The following POLR3G variants were observed in gnomAD, a reference collection of about 807,000 sequenced individuals.
POLR3G encodes the protein DNA-directed RNA polymerase III subunit RPC7.
Under a neutral mutation model 30.1 loss-of-function variants are expected in POLR3G, and 28 were observed. That is an observed-to-expected ratio of 0.93 (90% CI 0.69 to 1.27). POLR3G has a LOEUF of 1.27. Among genes scored for constraint, POLR3G ranks in the 50% most tolerant of loss-of-function variants. The pLI is 0.00. For synonymous variants in POLR3G, 79 were observed against 82.5 expected (o/e 0.96, Z 0.23); for missense variants, 254 against 264.6 (o/e 0.96, Z 0.28).
At chr5:90,481,998 A>C (rs1490741340) in intron 1 of POLR3G, among the ~76,000 whole-genome samples, 1 of 152,226 alleles carries the variant, frequency 6.6e-6, no homozygotes, top group Non-Finnish European at 1.5e-5. Context: ...TGGAGATTTA[A>C]TATACTGACT....
chr5:90,495,598 C>T, intron 3 of POLR3G, 79 bp from the exon 4 acceptor site: 2 of 1,533,998 alleles, frequency 1.3e-6, no homozygotes, highest in African/African-American at 1.4e-5. Flanking sequence ...CTGTTGTTTT[C>T]AATAATCTTA....
rs184072712 is a variant in POLR3G at position 90,491,108 on chromosome 5, C to T, written c.247+2979C>T. On this transcript the variant is annotated intron_variant, in intron 3 of 7. Coordinates refer to ENST00000651687, the MANE Select transcript of POLR3G (RefSeq NM_006467.3). ...GGCTGGTGGCTCAGGGCATTGAGAT[C>T]AGTCCTCAAGAACTGATGGCATGGA... Among the ~76,000 whole-genome samples the T allele has an allele frequency of 2.8e-3, 432 of 152,316 alleles. 2 individuals carry two copies. Among genetic ancestry groups the T allele is most frequent in the African/African-American group, 9.7e-3 (403 of 41,572 alleles).
At chr5:90,487,517 GAGT>G (rs1751505626) in intron 2 of POLR3G, among the ~76,000 whole-genome samples, 1 of 148,154 alleles carries the variant, frequency 6.7e-6, no homozygotes, top group African/African-American at 2.5e-5. Flanking sequence ...TCAGCCTCCC[GAGT>G]AGCTGGGAAT....
At chr5:90,497,594 A>G in intron 4 of POLR3G, 62 bp from the exon 5 acceptor site, 1 of 1,541,878 alleles carries the variant, frequency 6.5e-7, no homozygotes, top group Non-Finnish European at 8.7e-7. Context: ...TCAAATAGTT[A>G]TGTTCAATGC....
chr5:90,487,038 G>A (rs929776363), intron 2 of POLR3G, among the ~76,000 whole-genome samples: 3 of 152,132 alleles, frequency 2.0e-5, no homozygotes, highest in African/African-American at 7.2e-5. Context: ...ACATATTTGT[G>A]TAAATATATA....
chr5:90,478,313 G>T (rs1027684796), intron 1 of POLR3G, among the ~76,000 whole-genome samples: 1 of 152,106 alleles, frequency 6.6e-6, no homozygotes, highest in African/African-American at 2.4e-5. Flanking sequence ...CAATGCTACT[G>T]ATTTTACATT....
At chr5:90,477,325 A>G (rs1237967354) in intron 1 of POLR3G, among the ~76,000 whole-genome samples, 2 of 152,190 alleles carry the variant, frequency 1.3e-5, no homozygotes, top group Admixed American at 1.3e-4. Context: ...AAGACTCCAA[A>G]GCTCTGTTAA....
intron 6 of POLR3G, among the ~76,000 whole-genome samples, chr5:90,506,173 G>A (rs558765731): frequency 1.3e-5 from 2 of 152,240 alleles, no homozygotes; most frequent in South Asian, 4.1e-4. Context: ...AGGTTGCTGT[G>A]AGCCGAGATC....
intron 3 of POLR3G, among the ~76,000 whole-genome samples, chr5:90,488,806 AT>A (rs71614752): frequency 0.12 from 18,092 of 152,116 alleles, 1,188 homozygotes; most frequent in African/African-American, 0.18. Flanking sequence ...ATATGTATTC[AT>A]TGGTGCTGCT....
At chr5:90,480,026 GA>G (rs1482529311) in intron 1 of POLR3G, among the ~76,000 whole-genome samples, 1 of 152,182 alleles carries the variant, frequency 6.6e-6, no homozygotes, top group Non-Finnish European at 1.5e-5. Context: ...AAATTGCAAA[GA>G]AAGTGACATT....
chr5:90,487,984 C>T lies in POLR3G; in HGVS notation c.118-16C>T, dbSNP rs1422941268. On this transcript the variant is annotated splice_polypyrimidine_tract_variant and intron_variant, in intron 2 of 7. Coordinates refer to ENST00000651687, the MANE Select transcript of POLR3G (RefSeq NM_006467.3). ...TAATTGATTTGAAAAAAATCTTTGT[C>T]TCTTAATTTAAACAGGATACAGATT... The T allele has an allele frequency of 2.0e-6, 3 of 1,515,650 alleles. No individual in the cohort carries two copies. Among genetic ancestry groups the T allele is most frequent in the Non-Finnish European group, 2.6e-6 (3 of 1,136,392 alleles). The allele number at this position is 1,515,650 out of a possible 1,614,324, so 93.9% of individuals were successfully genotyped here.
intron 7 of POLR3G, among the ~76,000 whole-genome samples, chr5:90,511,485 G>A (rs762321022): frequency 2.6e-5 from 4 of 152,040 alleles, no homozygotes; most frequent in African/African-American, 4.8e-5. Flanking sequence ...TTGAATTTTT[G>A]ATAGAAAGCA....
intron 1 of POLR3G, among the ~76,000 whole-genome samples, chr5:90,478,778 G>A (rs967610755): frequency 2.0e-5 from 3 of 151,290 alleles, no homozygotes; most frequent in African/African-American, 4.9e-5. Flanking sequence ...GAGGTCAAGA[G>A]ATCAAGACCA....
intron 6 of POLR3G, among the ~76,000 whole-genome samples, chr5:90,502,825 C>A (rs1752315904): frequency 7.0e-6 from 1 of 142,688 alleles, no homozygotes. Flanking sequence ...TTTGGCTGCA[C>A]TATAAAAATG....
chr5:90,474,418 AG>A (rs1750664661), upstream of POLR3G: 1 of 850,870 alleles, frequency 1.2e-6, no homozygotes, highest in South Asian at 1.5e-5. Context: ...GCGTAGAGCG[AG>A]GCGGGGGCGT....
At chr5:90,487,319 C>T (rs540369833) in intron 2 of POLR3G, among the ~76,000 whole-genome samples, 1 of 148,872 alleles carries the variant, frequency 6.7e-6, no homozygotes, top group East Asian at 1.9e-4. Flanking sequence ...TTAATAAGAA[C>T]CTAAAGCAGC....
chr5:90,507,405 T>C (rs1446445899), intron 7 of POLR3G, among the ~76,000 whole-genome samples: 2 of 152,216 alleles, frequency 1.3e-5, no homozygotes, highest in Non-Finnish European at 2.9e-5. Flanking sequence ...TTACTATAAT[T>C]ATTTTGCATT....
chr5:90,512,033 G>A lies in POLR3G; in HGVS notation c.586-20G>A. ...CTCATTCATTTTAACGTTTACAAAG[G>A]AATATATCATTTCACTTAGGAAAAT... On this transcript the variant is annotated intron_variant, in intron 7 of 7. Transcript: ENST00000651687. 6.7e-7 allele frequency: 1 copy of A among 1,489,854 alleles called. No individual in the cohort carries two copies. Among genetic ancestry groups the A allele is most frequent in the Non-Finnish European group, 9.4e-7 (1 of 1,067,996 alleles). 92.3% of individuals were successfully genotyped at this position (1,489,854 alleles called of 1,614,324 possible). A position where few individuals can be genotyped will look rare whatever the true frequency, so the allele number is the denominator to read the frequency against.
At chr5:90,496,120 C>T (rs1482219203) in intron 4 of POLR3G, among the ~76,000 whole-genome samples, 2 of 151,788 alleles carry the variant, frequency 1.3e-5, no homozygotes, top group Admixed American at 6.6e-5. Context: ...TACAGGCCCC[C>T]GCCACCATGC....
Sources: gnomAD v4.1 joint callset for allele counts (sites outside exome capture counted in the v4.1 genomes callset) on GRCh38, gnomAD v4.1.1 for gene constraint, MANE v1.5 for transcripts, NCBI Gene and HGNC (gene_info 2026-07-23, HGNC 2026-07-21) for gene names.